The following TBX1 variants were observed in gnomAD, a reference collection of about 807,000 sequenced individuals.
The protein encoded by TBX1 is T-box transcription factor 1, also known as T-box transcription factor TBX1.
Under a neutral mutation model 40.8 loss-of-function variants are expected in TBX1, and 16 were observed. That is an observed-to-expected ratio of 0.39 (90% CI 0.27 to 0.60). TBX1 has a LOEUF of 0.60. Among genes scored for constraint, TBX1 ranks in the 20% least tolerant of loss-of-function variants. TBX1 has a pLI of 0.51. For synonymous variants in TBX1, 403 were observed against 336.8 expected, an observed-to-expected ratio of 1.20 and a Z score of -2.15; for missense variants, 755 against 728.5, an observed-to-expected ratio of 1.04 and a Z score of -0.42.
chr22:19,777,165 CTCG>C, intron 8 of TBX1, among the ~76,000 whole-genome samples: 1 of 152,118 alleles, frequency 6.6e-6, no homozygotes, highest in African/African-American at 2.4e-5. Context: ...CACCTATTAA[CTCG>C]TCATTTAGCA....
upstream of TBX1, among the ~76,000 whole-genome samples, chr22:19,760,702 G>A (rs1936623090): frequency 7.3e-6 from 1 of 137,496 alleles, no homozygotes; most frequent in South Asian, 2.3e-4. Context: ...GGGCGGGGCG[G>A]GGCGGGGCGC....
downstream of TBX1, among the ~76,000 whole-genome samples, chr22:19,768,134 C>A (rs934306134): frequency 7.9e-5 from 12 of 152,214 alleles, no homozygotes; most frequent in Non-Finnish European, 1.6e-4. Context: ...GCCAAGGCTG[C>A]TGACTTGGAC....
downstream of TBX1, among the ~76,000 whole-genome samples, chr22:19,767,916 G>T (rs1027008348): frequency 2.0e-5 from 3 of 152,264 alleles, no homozygotes; most frequent in Non-Finnish European, 4.4e-5. Flanking sequence ...GACTTTATTT[G>T]CTGTGAGTGT....
At chr22:19,775,267 C>G (rs759325146) in intron 8 of TBX1, among the ~76,000 whole-genome samples, 4 of 151,858 alleles carry the variant, frequency 2.6e-5, no homozygotes, top group Non-Finnish European at 5.9e-5. Context: ...CTAATTTTTT[C>G]TATTTTTAGT....
chr22:19,767,650 T>C (rs1042720160), downstream of TBX1, among the ~76,000 whole-genome samples: 2 of 152,204 alleles, frequency 1.3e-5, no homozygotes, highest in African/African-American at 4.8e-5. Flanking sequence ...TCCTGCCTTT[T>C]TACTTAAATT....
chr22:19,765,644 G>T, intron 4 of TBX1, 114 bp from the exon 5 acceptor site: 2 of 1,174,606 alleles, frequency 1.7e-6, no homozygotes, highest in Admixed American at 2.0e-5. Context: ...GTTCTTGTCA[G>T]GGCAGCAGAA....
At chr22:19,769,705 G>T (rs1350697056), downstream of TBX1, among the ~76,000 whole-genome samples, 1 of 152,248 alleles carries the variant, frequency 6.6e-6, no homozygotes, top group Non-Finnish European at 1.5e-5. Context: ...CTCTGTGACA[G>T]CTGTGATCTG....
At chr22:19,778,294 TCTCA>T (rs1170664531) in intron 8 of TBX1, among the ~76,000 whole-genome samples, 1 of 151,568 alleles carries the variant, frequency 6.6e-6, no homozygotes, top group Non-Finnish European at 1.5e-5. Context: ...GAGATGGGGG[TCTCA>T]CTATGTTGCC....
upstream of TBX1, among the ~76,000 whole-genome samples, chr22:19,760,213 T>C (rs916494775): frequency 5.1e-5 from 3 of 58,476 alleles, no homozygotes; most frequent in South Asian, 9.2e-4. Context: ...AAGACTTTAG[T>C]TTTTTTTTTT....
chr22:19,764,311 G>A lies in TBX1; in HGVS notation c.696G>A (p.Leu232=), dbSNP rs754119596. The change falls in exon 3 of 7, where the codon CTG becomes CTA. Residue 232 remains leucine (L), a synonymous_variant. Coordinates refer to ENST00000649276, the MANE Select transcript of TBX1 (RefSeq NM_001379200.1). The part of the protein sequence containing the change: ...FDKLKLTNNL[L]DDNGHIILNS... ...AGCTCAAGCTGACCAACAACCTACT[G>A]GACGACAACGGCCACGTGAGCGACT... 13 of 1,612,322 alleles carry A rather than the reference G, an allele frequency of 8.1e-6. No homozygotes were observed. The South Asian group carries it at 1.3e-4, about 16-fold the overall frequency.
Position 19,760,904 on chromosome 22 carries a change from G to C in TBX1, c.61G>C (p.Ala21Pro). Residue 21 changes from alanine to proline, a missense_variant, in exon 1 of 7, where the codon GCC (alanine) becomes CCC (proline). Around this residue, in one of 3 missense-constraint regions of TBX1, gnomAD observed 199 missense variants for 173.0 expected, o/e 1.15. Coordinates refer to ENST00000649276, the MANE Select transcript of TBX1 (RefSeq NM_001379200.1). ...TQLSHFCDVAAFTASSLSSLG... is the reference protein window; with the variant it reads ...TQLSHFCDVAPFTASSLSSLG... ...GCTCTCGCATTTCTGCGACGTTGCA[G>C]CCTTCACGGCCAGCAGCCTGAGCAG... 4.7e-6 allele frequency: 5 copies of C among 1,059,226 alleles called. No homozygotes were observed. The highest frequency in any genetic ancestry group is 5.8e-6 in the Non-Finnish European group (5 of 866,730). 65.6% of individuals were successfully genotyped at this position (1,059,226 alleles called of 1,614,324 possible).
At chr22:19,766,024 C>A in intron 6 of TBX1, 22 bp downstream of exon 6, 1 of 1,486,324 alleles carries the variant, frequency 6.7e-7, no homozygotes, top group South Asian at 1.3e-5. Context: ...GTCGTGGGAT[C>A]CGGGTTCCGG....
At chr22:19,780,308 ACT>A (rs1408262713), downstream of TBX1, among the ~76,000 whole-genome samples, 3 of 151,544 alleles carry the variant, frequency 2.0e-5, no homozygotes, top group East Asian at 1.9e-4. Context: ...CCAGCATTCT[ACT>A]CTCTGTCTCT....
chr22:19,760,652 G>A (rs1315501375), upstream of TBX1, among the ~76,000 whole-genome samples: 188 of 102,118 alleles, frequency 1.8e-3, 2 homozygotes, highest in Non-Finnish European at 3.0e-3. Flanking sequence ...CCGGGGGAGG[G>A]ATCTAGTCCA....
Position 19,764,072 on chromosome 22 carries a change from C to T in TBX1, c.540-83C>T, listed in dbSNP as rs1251874149. On this transcript the variant is annotated intron_variant, in intron 2 of 6. Transcript: ENST00000649276. ...CACAGGTGGGGAAACTTCTCAAAGG[C>T]ACTTTTAGGGTTCGCCCAGCACACG... is the stretch of plus-strand genomic sequence containing the variant. 2.0e-5 allele frequency: 30 copies of T among 1,512,264 alleles called. No homozygotes were observed. The South Asian group carries it at 3.1e-4, about 16-fold the overall frequency. The allele number at this position is 1,512,264 out of a possible 1,614,324, so 93.7% of individuals were successfully genotyped here.
At chr22:19,761,366 C>A in intron 1 of TBX1, 86 bp downstream of exon 1, 1 of 1,359,622 alleles carries the variant, frequency 7.4e-7, no homozygotes, top group South Asian at 1.7e-5. Context: ...GCGAGCGGGG[C>A]CGAAAGCCGG....
At chr22:19,775,287 G>T (rs966916735) in intron 8 of TBX1, among the ~76,000 whole-genome samples, 2 of 151,814 alleles carry the variant, frequency 1.3e-5, no homozygotes, top group African/African-American at 4.8e-5. Context: ...TAGAGACGGG[G>T]TTTCACCATG....
intron 6 of TBX1, 161 bp downstream of exon 6, chr22:19,766,163 C>T (rs1207958591): frequency 2.6e-6 from 2 of 764,934 alleles, no homozygotes; most frequent in African/African-American, 1.9e-5. Context: ...GCCCGCCCGG[C>T]CCGACGGCTG....
At chr22:19,770,048 C>T (rs1244876630), downstream of TBX1, among the ~76,000 whole-genome samples, 1 of 152,142 alleles carries the variant, frequency 6.6e-6, no homozygotes, top group African/African-American at 2.4e-5. Flanking sequence ...CTCGTCCCAC[C>T]GCTGTTCCCC....
Sources: gnomAD v4.1 joint callset for allele counts (sites outside exome capture counted in the v4.1 genomes callset) on GRCh38, gnomAD v4.1.1 for gene constraint, gnomAD v4.1.1 regional missense constraint, MANE v1.5 for transcripts, NCBI Gene and HGNC (gene_info 2026-07-23, HGNC 2026-07-21) for gene names.